ANXA8: variants seen among roughly 807,000 people sequenced by gnomAD.
ANXA8 encodes annexin A8.
ANXA8 carries 9 observed loss-of-function variants against 26.8 expected under a neutral mutation model. That is an observed-to-expected ratio of 0.34 (90% CI 0.20 to 0.59). The LOEUF (loss-of-function observed/expected upper bound fraction) is 0.59. Among genes scored for constraint, ANXA8 ranks in the 20% least tolerant of loss-of-function variants. The pLI is 0.84. For synonymous variants in ANXA8, 39 were observed against 94.8 expected (o/e 0.41, Z 3.42); for missense variants, 83 against 238.5 (o/e 0.35, Z 4.29).
chr10:47,557,033 G>A, the ANXA8 span, among the ~76,000 whole-genome samples: 9 of 108,718 alleles, frequency 8.3e-5, no homozygotes, highest in Non-Finnish European at 1.4e-4. Flanking sequence ...TTGAGATGGA[G>A]TCTCACTCTG....
At chr10:47,487,734 T>C (rs1840072354), upstream of ANXA8, among the ~76,000 whole-genome samples, 1 of 149,062 alleles carries the variant, frequency 6.7e-6, no homozygotes, top group African/African-American at 2.5e-5. Flanking sequence ...ACAAATATTT[T>C]TCATCAGTGT....
chr10:47,705,294 T>A, the ANXA8 span, among the ~76,000 whole-genome samples: 1 of 140,678 alleles, frequency 7.1e-6, no homozygotes, highest in African/African-American at 2.6e-5. Context: ...ACAAGTTTAG[T>A]CTTTTATTAT....
the ANXA8 span, among the ~76,000 whole-genome samples, chr10:47,636,804 C>G: frequency 6.6e-6 from 1 of 152,014 alleles, no homozygotes; most frequent in African/African-American, 2.4e-5. Context: ...GGCTTGTAAA[C>G]TGACTGTGGG....
chr10:47,510,108 C>T, the ANXA8 span: 1 of 1,359,898 alleles, frequency 7.4e-7, no homozygotes. Context: ...AAGAGGACAA[C>T]CAAATGGCTG....
chr10:47,572,482 G>A, the ANXA8 span, among the ~76,000 whole-genome samples: 7 of 150,708 alleles, frequency 4.6e-5, no homozygotes, highest in South Asian at 2.1e-4. Flanking sequence ...TTGGGAGGCC[G>A]AGGCAGGCAA....
chr10:47,706,799 C>A, the ANXA8 span: 27 of 961,082 alleles, frequency 2.8e-5, no homozygotes, highest in Non-Finnish European at 4.4e-5. Context: ...TATATTCTAG[C>A]TGAAGAAGCA....
the ANXA8 span, among the ~76,000 whole-genome samples, chr10:47,888,906 G>A: frequency 4.0e-5 from 2 of 50,298 alleles, no homozygotes; most frequent in South Asian, 6.8e-4. Context: ...ATTACACCTC[G>A]CCTAGGTTTC....
the ANXA8 span, among the ~76,000 whole-genome samples, chr10:47,699,755 G>A: frequency 6.6e-6 from 1 of 151,606 alleles, no homozygotes; most frequent in African/African-American, 2.4e-5. Context: ...TTGAGCCCAG[G>A]CTGGGGGATG....
chr10:47,500,980 G>A, the ANXA8 span, among the ~76,000 whole-genome samples: 3,318 of 119,040 alleles, frequency 0.028, 14 homozygotes, highest in African/African-American at 0.076. Context: ...TGCAAGCTCC[G>A]CCTCCTGGGT....
chr10:47,614,148 C>T, the ANXA8 span, among the ~76,000 whole-genome samples: 1 of 74,696 alleles, frequency 1.3e-5, no homozygotes, highest in East Asian at 2.6e-4. Context: ...TTATATCATA[C>T]CTCTCTAGCC....
chr10:47,586,985 A>T, the ANXA8 span, among the ~76,000 whole-genome samples: 1 of 145,994 alleles, frequency 6.8e-6, no homozygotes, highest in Non-Finnish European at 1.5e-5. Context: ...GGCTGGCAGA[A>T]CATGAGGTCA....
the ANXA8 span, among the ~76,000 whole-genome samples, chr10:47,735,050 A>T: frequency 6.7e-6 from 1 of 150,184 alleles, no homozygotes; most frequent in Non-Finnish European, 1.5e-5. Flanking sequence ...AACTTAAAAA[A>T]AAAACGTTTT....
chr10:47,536,238 A>C, the ANXA8 span, among the ~76,000 whole-genome samples: 1 of 8,792 alleles, frequency 1.1e-4, no homozygotes, highest in Non-Finnish European at 1.9e-4. Context: ...TGAGTCCTTA[A>C]CAGTGGAAGA....
At chr10:47,484,460 G>A (rs1391317430), upstream of ANXA8, 27 of 1,106,630 alleles carry the variant, frequency 2.4e-5, 1 homozygote, top group African/African-American at 3.7e-4. Context: ...TTTTTTCCGG[G>A]GGCAAGGGGC....
the ANXA8 span, among the ~76,000 whole-genome samples, chr10:47,521,240 C>T: frequency 2.2e-5 from 3 of 134,678 alleles, no homozygotes; most frequent in African/African-American, 9.0e-5. Context: ...GGCTCTCATC[C>T]AACACTACCC....
At chr10:47,517,182 T>C in the ANXA8 span, among the ~76,000 whole-genome samples, 4 of 95,156 alleles carry the variant, frequency 4.2e-5, no homozygotes, top group East Asian at 4.5e-4. Flanking sequence ...CCCGCTGTGA[T>C]AGAAAGTCAA....
At chr10:47,575,198 CAA>C in the ANXA8 span, among the ~76,000 whole-genome samples, 107 of 107,246 alleles carry the variant, frequency 1.0e-3, no homozygotes, top group African/African-American at 3.9e-3. Flanking sequence ...GAGTGAAACT[CAA>C]AAAAAAAAAA....
the ANXA8 span, among the ~76,000 whole-genome samples, chr10:47,735,087 G>T: frequency 6.7e-6 from 1 of 150,188 alleles, no homozygotes; most frequent in African/African-American, 2.5e-5. Context: ...CATGTTCCTT[G>T]TTTTTTGTTT....
At chr10:47,557,777 T>TAA in the ANXA8 span, among the ~76,000 whole-genome samples, 11 of 137,758 alleles carry the variant, frequency 8.0e-5, no homozygotes, top group Admixed American at 7.5e-5. Flanking sequence ...TGATTAATTA[T>TAA]AAAAAAAAAA....
Sources: gnomAD v4.1 joint callset for allele counts (sites outside exome capture counted in the v4.1 genomes callset) on GRCh38, gnomAD v4.1.1 for gene constraint, MANE v1.5 for transcripts, NCBI Gene and HGNC (gene_info 2026-07-23, HGNC 2026-07-21) for gene names.